Variants in ZNF449 observed in about 807,000 individuals in gnomAD.
ZNF449 encodes the protein zinc finger protein 449.
In ZNF449, 4 loss-of-function variants were observed where a neutral mutation model predicts 32.6. The observed-to-expected ratio is 0.12, with a 90% CI of 0.06 to 0.28. The LOEUF (loss-of-function observed/expected upper bound fraction) is 0.28, where lower values mean the gene tolerates loss of function less well. Among genes scored for constraint, ZNF449 ranks in the 10% least tolerant of loss-of-function variants. The pLI, the probability that ZNF449 is intolerant of heterozygous loss-of-function variation, is 1.00. For synonymous variants in ZNF449, 123 were observed against 132.2 expected (o/e 0.93, Z 0.48); for missense variants, 275 against 383.2 (o/e 0.72, Z 2.36).
In ZNF449 at chrX:135,347,211, G is replaced by A; in HGVS notation, c.93G>A (p.Gln31=). 1 of 1,212,322 alleles carries A rather than the reference G, an allele frequency of 8.2e-7. No individual in the cohort carries two copies. Among genetic ancestry groups the A allele is most frequent in the Non-Finnish European group, 1.1e-6 (1 of 895,680 alleles). The part of the protein sequence containing the change: ...EYDTDCEVFR[Q]RFRQFQYREA... Reference sequence around the variant, plus strand: ...ATACTGACTGTGAAGTTTTCCGTCAGCGCTTCAGGCAGTTCCAGTACAGAG... The same window carrying A: ...ATACTGACTGTGAAGTTTTCCGTCAACGCTTCAGGCAGTTCCAGTACAGAG... Residue 31 remains glutamine, a synonymous_variant, in exon 2 of 5, where the codon CAG becomes CAA. Coordinates refer to ENST00000339249, the MANE Select transcript of ZNF449 (RefSeq NM_152695.6).
chrX:135,352,029 A>C (rs2084890632), intron 3 of ZNF449, among the ~76,000 whole-genome samples: 1 of 112,363 alleles, frequency 8.9e-6, no homozygotes, highest in Non-Finnish European at 1.9e-5. Flanking sequence ...TTATTTTATT[A>C]TTTAAAGGTT....
At chrX:135,354,295 A>G (rs186946627) in intron 3 of ZNF449, among the ~76,000 whole-genome samples, 13 of 112,206 alleles carry the variant, frequency 1.2e-4, no homozygotes, top group African/African-American at 4.2e-4. Flanking sequence ...TAGGGCAAAT[A>G]TCTGTGGAAA....
rs782139865 is a variant in ZNF449, at chrX:135,362,815, A to C, written c.*1739A>C. On this transcript the variant is annotated 3_prime_UTR_variant, in exon 5 of 5. Coordinates refer to ENST00000339249, the MANE Select transcript of ZNF449 (RefSeq NM_152695.6). ...ATTTTATAATATTTTTAGTTAAACA[A>C]GAGTTGGGAAACAGGTGGAGAATAA... 14 of 112,053 alleles carry C rather than the reference A, an allele frequency of 1.2e-4. No homozygotes were observed. Among genetic ancestry groups the C allele is most frequent in the Non-Finnish European group, 2.4e-4 (13 of 53,148 alleles). 9.2% of individuals were successfully genotyped at this position (112,053 alleles called of 1,213,427 possible). A position where few individuals can be genotyped will look rare whatever the true frequency, so the allele number is the denominator to read the frequency against.
At chrX:135,347,515 G>A in intron 2 of ZNF449, 43 bp downstream of exon 2, 2 of 1,205,353 alleles carry the variant, frequency 1.7e-6, no homozygotes, top group Non-Finnish European at 2.2e-6. Flanking sequence ...TCCAAAGGAA[G>A]TAGCTGAGGC....
intron 3 of ZNF449, among the ~76,000 whole-genome samples, chrX:135,359,529 A>G (rs1237659323): frequency 1.8e-5 from 2 of 111,566 alleles, no homozygotes; most frequent in Non-Finnish European, 3.8e-5. Flanking sequence ...TTTGGCACTC[A>G]ATAGCAGTGT....
At chrX:135,354,077 C>T (rs1430116865) in intron 3 of ZNF449, among the ~76,000 whole-genome samples, 12 of 111,802 alleles carry the variant, frequency 1.1e-4, no homozygotes, top group Non-Finnish European at 1.7e-4. Flanking sequence ...CTTATATATG[C>T]GGGTATTGAT....
At chrX:135,358,711 T>G (rs1377852827) in intron 3 of ZNF449, among the ~76,000 whole-genome samples, 1 of 112,035 alleles carries the variant, frequency 8.9e-6, no homozygotes, top group Non-Finnish European at 1.9e-5. Flanking sequence ...AGATTATAAG[T>G]CAGTATTTTG....
rs2084950298 is a variant in ZNF449, at chrX:135,362,117, C to A, written c.*1041C>A. On this transcript the variant is annotated 3_prime_UTR_variant, in exon 5 of 5. Transcript: ENST00000339249. The stretch of plus-strand genomic sequence containing the variant: ...TATAGCTGTCAGTATAGTTATGTTG[C>A]TCCCAAGCCTAGTTATCTCCAGTTG... 1 of 111,694 alleles carries A rather than the reference C, an allele frequency of 9.0e-6. No homozygotes were observed. Among genetic ancestry groups the A allele is most frequent in the African/African-American group, 3.3e-5 (1 of 30,768 alleles). 9.2% of individuals were successfully genotyped at this position (111,694 alleles called of 1,213,427 possible).
rs2084890607 is a variant in ZNF449, at chrX:135,352,017, G to C, written c.559+2703G>C. 2.7e-5 allele frequency among the ~76,000 whole-genome samples: 3 copies of C among 111,857 alleles called. 1 individual carries two copies. The highest frequency in any genetic ancestry group is 7.3e-4 in the South Asian group (2 of 2,734). On this transcript the variant is annotated intron_variant, in intron 3 of 4. Coordinates refer to ENST00000339249, the MANE Select transcript of ZNF449 (RefSeq NM_152695.6). ...ATTATGCTTTGAAAAATGTTGCAAGGCTTATTTTATTATTTAAAGGTTACT... is the reference window on the plus strand; with the variant it reads ...ATTATGCTTTGAAAAATGTTGCAAGCCTTATTTTATTATTTAAAGGTTACT...
intron 3 of ZNF449, among the ~76,000 whole-genome samples, chrX:135,358,740 T>G (rs1438715837): frequency 8.9e-6 from 1 of 111,944 alleles, no homozygotes; most frequent in Non-Finnish European, 1.9e-5. Flanking sequence ...CCTTTGCTAT[T>G]CTCTCCTATT....
At position 135,360,546 on chromosome X, in the gene ZNF449, A is replaced by G. The variant is rs1556453412; in HGVS notation, c.1027A>G (p.Arg343Gly). 8.3e-7 allele frequency: 1 copy of G among 1,211,950 alleles called. No individual in the cohort carries two copies. Among genetic ancestry groups the G allele is most frequent in the Admixed American group, 2.2e-5 (1 of 46,067 alleles). ...GAAGTCACAACTTACTGGGCATCAG[A>G]GAATTCATTCAGGAGAAGAACCTCA... ...ARKSQLTGHQ[R>G]IHSGEEPHKC... is the part of the protein sequence containing the mutation. Residue 343 changes from arginine (R) to glycine (G), a missense_variant, in exon 5 of 5, where the codon AGA becomes GGA. Physicochemically the swap from Arg to Gly is moderately radical, Grantham distance 125. Around this residue, in one of 3 missense-constraint regions of ZNF449, gnomAD observed 80 missense variants for 146.6 expected, o/e 0.55. Transcript: ENST00000339249.
chrX:135,360,493 G>A lies in ZNF449; in HGVS notation c.974G>A (p.Cys325Tyr). 1.7e-6 allele frequency: 2 copies of A among 1,211,492 alleles called. No homozygotes were observed. Among genetic ancestry groups the A allele is most frequent in the Non-Finnish European group, 2.2e-6 (2 of 895,353 alleles). ...KKSPGEKPHR[C>Y]PQCGKCFARK... ...AGTCCAGGAGAGAAACCTCACCGAT[G>A]TCCTCAGTGTGGAAAATGTTTTGCT... Residue 325 changes from cysteine to tyrosine, a missense_variant, in exon 5 of 5, where the codon TGT becomes TAT. By Grantham distance (194) the Cys-to-Tyr change is radical. Coordinates refer to ENST00000339249, the MANE Select transcript of ZNF449 (RefSeq NM_152695.6).
At chrX:135,356,473 A>G (rs192017491) in intron 3 of ZNF449, among the ~76,000 whole-genome samples, 1 of 111,688 alleles carries the variant, frequency 9.0e-6, no homozygotes, top group Non-Finnish European at 1.9e-5. Context: ...GTATATTTTC[A>G]TAGACCTATT....
chrX:135,349,643 G>C (rs1320229254), intron 3 of ZNF449, among the ~76,000 whole-genome samples: 2 of 112,094 alleles, frequency 1.8e-5, no homozygotes, highest in African/African-American at 6.5e-5. Flanking sequence ...TGGGCCCCAA[G>C]GGCCTCGGTT....
intron 3 of ZNF449, among the ~76,000 whole-genome samples, chrX:135,349,707 A>G (rs1289320873): frequency 8.9e-6 from 1 of 112,461 alleles, no homozygotes; most frequent in Non-Finnish European, 1.9e-5. Context: ...AATATAGTCT[A>G]TTTAGATCCT....
Position 135,347,037 on chromosome X carries a change from C to T in ZNF449, c.-82C>T. 2 of 1,029,592 alleles carry T rather than the reference C, an allele frequency of 1.9e-6. No individual in the cohort carries two copies. The highest frequency in any genetic ancestry group is 2.9e-5 in the Admixed American group (1 of 34,602). 84.8% of individuals were successfully genotyped at this position (1,029,592 alleles called of 1,213,427 possible). ...TCCTTAGCTGTAGGTGGCTCCCTCCCACCCCAACGATTTCAGAGAGAAACA... is the reference window on the plus strand; with the variant it reads ...TCCTTAGCTGTAGGTGGCTCCCTCCTACCCCAACGATTTCAGAGAGAAACA... On this transcript the variant is annotated 5_prime_UTR_variant, in exon 2 of 5. Coordinates refer to ENST00000339249, the MANE Select transcript of ZNF449 (RefSeq NM_152695.6).
At chrX:135,347,666 A>G in intron 2 of ZNF449, 194 bp downstream of exon 2, 1 of 1,105,748 alleles carries the variant, frequency 9.0e-7, no homozygotes, top group Non-Finnish European at 1.2e-6. Context: ...TTCCCCTTCT[A>G]TAACAAATAG....
rs782066415 is a variant in ZNF449 at position 135,360,954 on chromosome X, G to A, written c.1435G>A (p.Val479Ile). ...AAGTTTTAGACAGAGACCAAGCCTC[G>A]TTATTCATTTAAGAATCCACACAGG... ...GKSFRQRPSLVIHLRIHTGEK... is the reference protein window; with the variant it reads ...GKSFRQRPSLIIHLRIHTGEK... The change falls in exon 5 of 5, where the codon GTT (valine) becomes ATT (isoleucine). Residue 479 changes from valine (V) to isoleucine (I), a missense_variant. Physicochemically the swap from Val to Ile is conservative, Grantham distance 29. This residue lies in a region of ZNF449 where 80 missense variants were observed against 146.6 expected (regional missense o/e 0.55). Coordinates refer to ENST00000339249, the MANE Select transcript of ZNF449 (RefSeq NM_152695.6). 57 of 1,209,363 alleles carry A rather than the reference G, an allele frequency of 4.7e-5. No individual in the cohort carries two copies. In the South Asian group the frequency reaches 6.5e-4, roughly 14 times the overall value.
intron 3 of ZNF449, among the ~76,000 whole-genome samples, chrX:135,358,091 C>T (rs60654427): frequency 0.083 from 9,187 of 110,751 alleles, 646 homozygotes; most frequent in African/African-American, 0.23. Context: ...AAATATTTCT[C>T]ATGTAATATT....
Sources: allele counts gnomAD v4.1 joint callset (sites outside exome capture counted in the v4.1 genomes callset), GRCh38; gene constraint gnomAD v4.1.1; regional missense constraint gnomAD v4.1.1; transcripts MANE v1.5; gene names NCBI Gene and HGNC (gene_info 2026-07-23, HGNC 2026-07-21).